Variants in ZNF133 observed in about 807,000 individuals in gnomAD.
ZNF133 encodes the protein zinc finger protein 133 (clone pHZ-13).
ZNF133 carries 26 observed loss-of-function variants against 54.9 expected under a neutral mutation model. The ratio of observed to expected loss-of-function variants is 0.47; its 90% confidence interval spans 0.35 to 0.66. The LOEUF (loss-of-function observed/expected upper bound fraction) is 0.66, where lower values mean the gene tolerates loss of function less well. ZNF133 is among the 30% of genes least tolerant of loss of function. ZNF133 has a pLI of 0.01. For synonymous variants in ZNF133, 298 were observed against 320.3 expected (o/e 0.93, Z 0.74); for missense variants, 653 against 820.8 (o/e 0.80, Z 2.50).
Position 18,315,585 on chromosome 20 carries a change from G to A in ZNF133, c.734G>A (p.Gly245Glu). Reference protein sequence around the residue: ...IHSGEKPYVCGVCEKGFSLKK... With the variant: ...IHSGEKPYVCEVCEKGFSLKK... Reference sequence around the variant, plus strand: ...TCAGGGGAGAAGCCCTACGTGTGTGGGGTATGTGAGAAGGGCTTCAGCCTA... The same window carrying A: ...TCAGGGGAGAAGCCCTACGTGTGTGAGGTATGTGAGAAGGGCTTCAGCCTA... The change falls in exon 7 of 7, where the codon GGG (glycine) becomes GAG (glutamate). Residue 245 changes from glycine (G) to glutamate (E), a missense_variant. This residue lies in a region of ZNF133 where 292 missense variants were observed against 431.6 expected (regional missense o/e 0.68). Coordinates refer to ENST00000425686, the MANE Select transcript of ZNF133 (RefSeq NM_001352452.2). 2 of 1,613,696 alleles carry A rather than the reference G, an allele frequency of 1.2e-6. No individual in the cohort carries two copies. Among genetic ancestry groups the A allele is most frequent in the Non-Finnish European group, 1.7e-6 (2 of 1,179,868 alleles).
rs1970212235 is a variant in ZNF133, at chr20:18,305,390, T to G, written c.-7+212T>G. On this transcript the variant is annotated intron_variant, in intron 4 of 6. Transcript: ENST00000425686. This position sits in a 1 kb window ranked among gnomAD's most constrained non-coding sequence, Gnocchi z 4.7. ...GTTATCCTTTATTGTTGCTTACATT[T>G]TATATGTTGCTTGCTCTTCTGTCTG... is the stretch of plus-strand genomic sequence containing the variant. 6.6e-6 allele frequency among the ~76,000 whole-genome samples: 1 copy of G among 152,174 alleles called. No homozygotes were observed. The highest frequency in any genetic ancestry group is 1.5e-5 in the Non-Finnish European group (1 of 68,030).
chr20:18,314,507 T>C (rs1410182363), intron 6 of ZNF133: 1 of 152,314 alleles, frequency 6.6e-6, no homozygotes, highest in East Asian at 1.9e-4. Context: ...TGGCATAGAG[T>C]AATCTAACAA....
At chr20:18,296,712 A>G (rs1043258187) in intron 1 of ZNF133, among the ~76,000 whole-genome samples, 1 of 152,202 alleles carries the variant, frequency 6.6e-6, no homozygotes, top group Non-Finnish European at 1.5e-5. Flanking sequence ...TATTGTGAAC[A>G]ATGCTGGTAT....
intron 6 of ZNF133, 111 bp downstream of exon 6, chr20:18,306,504 T>C (rs2044642809): frequency 9.0e-7 from 1 of 1,116,056 alleles, no homozygotes; most frequent in Admixed American, 2.3e-5. Flanking sequence ...CCTGACCTCC[T>C]GGGCTGCTGT....
At chr20:18,306,458 A>C (rs975748114) in intron 6 of ZNF133, 65 bp downstream of exon 6, 3 of 1,519,556 alleles carry the variant, frequency 2.0e-6, no homozygotes, top group Middle Eastern at 1.7e-4. Flanking sequence ...GGGGGAGAGG[A>C]GGCGTTGCTC....
At position 18,303,137 on chromosome 20, in the gene ZNF133, C is replaced by G. The variant is rs545223054; in HGVS notation, c.-177-1871C>G. On this transcript the variant is annotated intron_variant, in intron 3 of 6. Transcript: ENST00000425686. ...TCTTGGCTCACTGCAACCTCCACCC[C>G]CCAGGTTCAAGCAATTCTCCTGCCT... 4.8e-4 allele frequency among the ~76,000 whole-genome samples: 73 copies of G among 152,076 alleles called. No individual in the cohort carries two copies. The East Asian group carries it at 0.014, about 28-fold the overall frequency.
intron 6 of ZNF133, chr20:18,314,359 C>A (rs1162206167): frequency 6.6e-6 from 1 of 152,154 alleles, no homozygotes; most frequent in African/African-American, 2.4e-5. Context: ...TTCTTTTACA[C>A]TGATTTTTGG....
At position 18,298,091 on chromosome 20, in the gene ZNF133, T is replaced by C. The variant is rs1374167141; in HGVS notation, c.-354+29T>C. ...AGTGTTTCCTGTCTCCATTACTGGC[T>C]GTAACAGGATGGACACATTCCCTTC... On this transcript the variant is annotated intron_variant, in intron 2 of 6. Transcript: ENST00000425686. The C allele has an allele frequency of 3.3e-6, 5 of 1,535,442 alleles. No homozygotes were observed. The Admixed American group carries it at 9.8e-5, about 30-fold the overall frequency.
chr20:18,316,487 A>G lies in ZNF133; in HGVS notation c.1636A>G (p.Arg546Gly). The change falls in exon 7 of 7, where the codon AGG becomes GGG. Residue 546 changes from arginine (R) to glycine (G), a missense_variant. Arg to Gly is a moderately radical substitution (Grantham distance 125). Around this residue, in one of 4 missense-constraint regions of ZNF133, gnomAD observed 129 missense variants for 138.5 expected, o/e 0.93. Coordinates refer to ENST00000425686, the MANE Select transcript of ZNF133 (RefSeq NM_001352452.2). ...GLIRHKRKHS[R>G]EKPYMCRQCG... ...CATCAGGCACAAGCGGAAGCACTCG[A>G]GGGAGAAGCCCTACATGTGCAGGCA... The G allele has an allele frequency of 6.2e-7, 1 of 1,614,090 alleles. No individual in the cohort carries two copies. The highest frequency in any genetic ancestry group is 8.5e-7 in the Non-Finnish European group (1 of 1,180,016).
intron 6 of ZNF133, chr20:18,310,093 A>G: frequency 8.2e-7 from 1 of 1,218,438 alleles, no homozygotes; most frequent in Non-Finnish European, 1.0e-6. Flanking sequence ...ATTAATAACA[A>G]GCAGCTTACC....
At chr20:18,289,317 G>A (rs1366762547) in intron 1 of ZNF133, among the ~76,000 whole-genome samples, 1 of 152,172 alleles carries the variant, frequency 6.6e-6, no homozygotes, top group Non-Finnish European at 1.5e-5. Flanking sequence ...CGGATTCCCA[G>A]GCCCCTGGTG....
Position 18,298,444 on chromosome 20 carries a change from AG to A in ZNF133, c.-193del. On this transcript the variant is annotated 5_prime_UTR_variant, in exon 3 of 7. Transcript: ENST00000425686. The stretch of plus-strand genomic sequence containing the variant: ...GTCTAGTTGAAGGCCTCCAGTTCCC[AG>A]GGGGAAGGAAGCATGGAGGGTAAGT... 1.7e-6 allele frequency: 1 copy of A among 600,410 alleles called. No individual in the cohort carries two copies. The highest frequency in any genetic ancestry group is 2.2e-6 in the Non-Finnish European group (1 of 460,530). 37.2% of individuals were successfully genotyped at this position (600,410 alleles called of 1,614,324 possible).
Position 18,316,218 on chromosome 20 carries a change from A to C in ZNF133, c.1367A>C (p.His456Pro). 6.2e-7 allele frequency: 1 copy of C among 1,608,344 alleles called. No homozygotes were observed. The highest frequency in any genetic ancestry group is 1.3e-5 in the African/African-American group (1 of 74,884). The stretch of plus-strand genomic sequence containing the variant: ...AGTCTCAAGTCACACCTCAACAGAC[A>C]CCAGAACATACACTCAGGAGAGAAG... ...GFSLKSHLNR[H>P]QNIHSGEKPI... The change falls in exon 7 of 7, where the codon CAC (histidine) becomes CCC (proline). Residue 456 changes from histidine (H) to proline (P), a missense_variant. Around this residue, in one of 4 missense-constraint regions of ZNF133, gnomAD observed 292 missense variants for 431.6 expected, o/e 0.68. Coordinates refer to ENST00000425686, the MANE Select transcript of ZNF133 (RefSeq NM_001352452.2).
intron 6 of ZNF133, chr20:18,313,734 C>T (rs183594178): frequency 2.0e-5 from 3 of 152,306 alleles, no homozygotes; most frequent in Admixed American, 1.3e-4. Flanking sequence ...CTCAGACAAC[C>T]TAGATTAAAC....
intron 5 of ZNF133, 135 bp from the exon 6 acceptor site, chr20:18,306,163 C>T: frequency 1.3e-6 from 1 of 764,382 alleles, no homozygotes; most frequent in Non-Finnish European, 2.1e-6. Context: ...CCTTCCATTT[C>T]TGAGAGCCCC....
chr20:18,314,698 A>G (rs1674755460), intron 6 of ZNF133: 1 of 176,570 alleles, frequency 5.7e-6, no homozygotes, highest in African/African-American at 2.4e-5. Context: ...AGGGTTAGAC[A>G]TCTTTCCATC....
At chr20:18,312,008 TTTGG>T (rs767263484) in intron 6 of ZNF133, among the ~76,000 whole-genome samples, 31 of 130,310 alleles carry the variant, frequency 2.4e-4, no homozygotes, top group Non-Finnish European at 4.2e-4. Flanking sequence ...TTTGGGTTTG[TTTGG>T]TTGGTTGGTT....
intron 5 of ZNF133, among the ~76,000 whole-genome samples, 196 bp from the exon 6 acceptor site, chr20:18,306,102 G>A (rs951757885): frequency 2.0e-5 from 3 of 151,920 alleles, no homozygotes; most frequent in African/African-American, 4.8e-5. Context: ...TCATCTACTC[G>A]GCATGGAATA....
rs1778484273 is a variant in ZNF133 at position 18,315,836 on chromosome 20, C to T, written c.985C>T (p.Arg329Trp). The T allele has an allele frequency of 6.2e-6, 10 of 1,608,638 alleles. No individual in the cohort carries two copies. The highest frequency in any genetic ancestry group is 1.1e-5 in the South Asian group (1 of 90,712). The stretch of plus-strand genomic sequence containing the variant: ...CTCAGGGGAAAAGCCTTACGTGTGC[C>T]GGGAATGTGGCAAAGGCTTCAGCCA... The part of the protein sequence containing the change: ...THSGEKPYVC[R>W]ECGKGFSQKS... The change falls in exon 7 of 7, where the codon CGG becomes TGG. Residue 329 changes from arginine to tryptophan, a missense_variant. Physicochemically the swap from Arg to Trp is moderately radical, Grantham distance 101 (BLOSUM62 -3). Coordinates refer to ENST00000425686, the MANE Select transcript of ZNF133 (RefSeq NM_001352452.2).
Sources: gnomAD v4.1 joint callset for allele counts (sites outside exome capture counted in the v4.1 genomes callset) on GRCh38, gnomAD v4.1.1 for gene constraint, gnomAD v4.1.1 regional missense constraint, Gnocchi (gnomAD v3.1) non-coding constraint, MANE v1.5 for transcripts, NCBI Gene and HGNC (gene_info 2026-07-23, HGNC 2026-07-21) for gene names.